The following MCC variants were observed in gnomAD, a reference collection of about 807,000 sequenced individuals.
MCC encodes MCC regulator of Wnt signaling pathway, also known as colorectal mutant cancer protein.
Under a neutral mutation model 116.2 loss-of-function variants are expected in MCC, and 90 were observed. That is an observed-to-expected ratio of 0.77 (90% CI 0.65 to 0.92). The LOEUF (loss-of-function observed/expected upper bound fraction) is 0.92, where lower values mean the gene tolerates loss of function less well. Ranked by LOEUF, MCC falls within the 40% of genes least tolerant of loss-of-function variation. MCC has a pLI of 0.00. For synonymous variants in MCC, 578 were observed against 510.5 expected (o/e 1.13, Z -1.78); for missense variants, 1,516 against 1,312.2 (o/e 1.16, Z -2.40).
intron 3 of MCC, among the ~76,000 whole-genome samples, chr5:113,213,339 C>A (rs977932484): frequency 1.3e-5 from 2 of 152,116 alleles, no homozygotes; most frequent in South Asian, 4.1e-4. Context: ...GAACACTGCC[C>A]TAAGAGTTAC....
chr5:113,358,051 T>A (rs1227945514), intron 2 of MCC, among the ~76,000 whole-genome samples: 2 of 152,318 alleles, frequency 1.3e-5, no homozygotes, highest in East Asian at 3.9e-4. Context: ...TGCCCTTTGG[T>A]CAAATTCTTT....
intron 1 of MCC, among the ~76,000 whole-genome samples, chr5:113,422,177 G>C (rs372426798): frequency 6.6e-6 from 1 of 152,086 alleles, no homozygotes; most frequent in Non-Finnish European, 1.5e-5. Context: ...AATACACTCC[G>C]GCCATGGTTG....
At chr5:113,072,825 G>C (rs1754132305) in intron 11 of MCC, among the ~76,000 whole-genome samples, 1 of 152,144 alleles carries the variant, frequency 6.6e-6, no homozygotes, top group African/African-American at 2.4e-5. Context: ...GCTTTCTTCT[G>C]AGGGCCAGGC....
intron 10 of MCC, 47 bp from the exon 11 acceptor site, chr5:113,083,055 G>A (rs774388756): frequency 1.3e-6 from 2 of 1,560,774 alleles, no homozygotes; most frequent in East Asian, 2.3e-5. Flanking sequence ...TCATTTCAGA[G>A]ATGCATGTTT....
chr5:113,225,284 C>T (rs1439517798), intron 3 of MCC, among the ~76,000 whole-genome samples: 1 of 152,200 alleles, frequency 6.6e-6, no homozygotes, highest in East Asian at 1.9e-4. Flanking sequence ...TTACCCTCAA[C>T]GTATTCTGAC....
intron 5 of MCC, among the ~76,000 whole-genome samples, chr5:113,130,149 G>A (rs1442423714): frequency 1.3e-5 from 2 of 152,172 alleles, no homozygotes; most frequent in Non-Finnish European, 2.9e-5. Context: ...GGAATACTAT[G>A]CATCCATAAA....
At chr5:113,336,175 G>T (rs957870601) in intron 3 of MCC, among the ~76,000 whole-genome samples, 1 of 151,492 alleles carries the variant, frequency 6.6e-6, no homozygotes, top group East Asian at 1.9e-4. Flanking sequence ...CATGAGGGTG[G>T]AGCCATCATG....
chr5:113,259,458 TAG>T (rs1334359946), intron 3 of MCC, among the ~76,000 whole-genome samples: 36 of 152,260 alleles, frequency 2.4e-4, no homozygotes, highest in African/African-American at 7.7e-4. Context: ...AGTCAGGTAA[TAG>T]AGTCTACCAC....
At chr5:113,050,205 G>C (rs951233165) in intron 15 of MCC, among the ~76,000 whole-genome samples, 4 of 152,240 alleles carry the variant, frequency 2.6e-5, no homozygotes, top group Non-Finnish European at 5.9e-5. Context: ...TGGAGCCACA[G>C]ATTGCAGCCA....
chr5:113,385,800 G>T (rs1266430521), intron 1 of MCC, among the ~76,000 whole-genome samples: 2 of 152,082 alleles, frequency 1.3e-5, no homozygotes, highest in Non-Finnish European at 2.9e-5. Context: ...CAAGCAATCA[G>T]TGAGCCCTAA....
chr5:113,090,119 C>T (rs1755496548), intron 8 of MCC, among the ~76,000 whole-genome samples: 1 of 151,558 alleles, frequency 6.6e-6, no homozygotes. Flanking sequence ...GTGTGGTGGG[C>T]AGAGTGCCTG....
intron 1 of MCC, among the ~76,000 whole-genome samples, chr5:113,457,729 CAG>C (rs1487090799): frequency 7.0e-6 from 1 of 142,390 alleles, no homozygotes; most frequent in Non-Finnish European, 1.5e-5. Context: ...GTGTCTAGCT[CAG>C]GGGTTGTGAG....
At chr5:113,052,982 T>C (rs1404439605) in intron 15 of MCC, among the ~76,000 whole-genome samples, 2 of 152,312 alleles carry the variant, frequency 1.3e-5, no homozygotes, top group East Asian at 1.9e-4. Flanking sequence ...ATATCAGATA[T>C]GGTCTTATTT....
At chr5:113,191,106 A>G (rs142266948) in intron 3 of MCC, among the ~76,000 whole-genome samples, 1 of 152,292 alleles carries the variant, frequency 6.6e-6, no homozygotes, top group East Asian at 1.9e-4. Flanking sequence ...ACCTCCTTTT[A>G]GCATTCTCCA....
At chr5:113,381,946 G>A (rs1561545319) in intron 2 of MCC, among the ~76,000 whole-genome samples, 1 of 152,208 alleles carries the variant, frequency 6.6e-6, no homozygotes, top group Non-Finnish European at 1.5e-5. Flanking sequence ...AGAGAATAAA[G>A]TATAGCTAGC....
At chr5:113,278,655 A>C (rs1366966724) in intron 3 of MCC, among the ~76,000 whole-genome samples, 4 of 152,202 alleles carry the variant, frequency 2.6e-5, no homozygotes, top group African/African-American at 9.7e-5. Context: ...TCCAGAGACA[A>C]CCAGGCACCT....
intron 3 of MCC, among the ~76,000 whole-genome samples, chr5:113,170,910 G>A (rs1581196210): frequency 6.6e-6 from 1 of 152,110 alleles, no homozygotes; most frequent in Non-Finnish European, 1.5e-5. Context: ...AAGCTGAAGA[G>A]TGGGTGTTTG....
chr5:113,094,503 C>T (rs1755882785), intron 8 of MCC, among the ~76,000 whole-genome samples: 1 of 151,362 alleles, frequency 6.6e-6, no homozygotes, highest in Admixed American at 6.6e-5. Context: ...TTGCTGCAAC[C>T]TCTGCCTCCC....
intron 3 of MCC, among the ~76,000 whole-genome samples, chr5:113,174,429 C>G (rs1761225651): frequency 6.6e-6 from 1 of 152,000 alleles, no homozygotes; most frequent in South Asian, 2.1e-4. Context: ...GATATATTTA[C>G]AAAGATATTT....
Sources: allele counts gnomAD v4.1 joint callset (sites outside exome capture counted in the v4.1 genomes callset), GRCh38; gene constraint gnomAD v4.1.1; transcripts MANE v1.5; gene names NCBI Gene and HGNC (gene_info 2026-07-23, HGNC 2026-07-21).